Variants in FRMPD4 observed in about 807,000 individuals in gnomAD.
FRMPD4 encodes the protein FERM and PDZ domain containing 4.
FRMPD4 carries 22 observed loss-of-function variants against 94.1 expected under a neutral mutation model. The observed-to-expected ratio is 0.23, with a 90% CI of 0.17 to 0.33. The LOEUF (loss-of-function observed/expected upper bound fraction) is 0.33, where lower values mean the gene tolerates loss of function less well. Among genes scored for constraint, FRMPD4 ranks in the 10% least tolerant of loss-of-function variants. FRMPD4 has a pLI of 1.00. For synonymous variants in FRMPD4, 631 were observed against 548.6 expected (o/e 1.15, Z -2.10); for missense variants, 1,111 against 1,339.9 (o/e 0.83, Z 2.67).
At chrX:12,691,723 G>T (rs1185106052) in intron 8 of FRMPD4, among the ~76,000 whole-genome samples, 1 of 110,247 alleles carries the variant, frequency 9.1e-6, no homozygotes, top group Non-Finnish European at 1.9e-5. Flanking sequence ...GAGAAAAATT[G>T]AGAGGCCAAT....
At chrX:12,171,922 T>G (rs889602551) in intron 1 of FRMPD4, among the ~76,000 whole-genome samples, 1 of 110,935 alleles carries the variant, frequency 9.0e-6, no homozygotes, top group Non-Finnish European at 1.9e-5. Context: ...TCTGCTTGGC[T>G]CCTGGTCATA....
At chrX:12,195,934 A>G (rs1328653712) in intron 1 of FRMPD4, among the ~76,000 whole-genome samples, 1 of 112,021 alleles carries the variant, frequency 8.9e-6, no homozygotes, top group Non-Finnish European at 1.9e-5. Context: ...AGGTGGACCT[A>G]AAGGGAAACC....
intron 8 of FRMPD4, among the ~76,000 whole-genome samples, chrX:12,693,702 A>G (rs1171379830): frequency 8.9e-6 from 1 of 112,248 alleles, no homozygotes; most frequent in Non-Finnish European, 1.9e-5. Flanking sequence ...AAAACAAAAC[A>G]AAACACAGCA....
At chrX:11,824,561 T>C (rs990183057) in intron 1 of FRMPD4, among the ~76,000 whole-genome samples, 7 of 111,634 alleles carry the variant, frequency 6.3e-5, no homozygotes, top group East Asian at 2.8e-4. Context: ...CTCCAGACAT[T>C]GCCAGACATC....
chrX:12,265,851 G>A (rs933886240), intron 1 of FRMPD4, among the ~76,000 whole-genome samples: 19 of 109,979 alleles, frequency 1.7e-4, no homozygotes, highest in Non-Finnish European at 3.2e-4. Context: ...AACAAAAGCC[G>A]GGCGCGGTGG....
intron 2 of FRMPD4, 146 bp downstream of exon 2, chrX:12,498,942 C>T: frequency 3.7e-6 from 1 of 267,146 alleles, no homozygotes; most frequent in Non-Finnish European, 6.8e-6. Context: ...AAGCCAGCTG[C>T]TTATATTTCT....
At chrX:12,695,400 T>TA (rs1248212718) in intron 9 of FRMPD4, among the ~76,000 whole-genome samples, 13 of 111,073 alleles carry the variant, frequency 1.2e-4, no homozygotes, top group Non-Finnish European at 1.7e-4. Flanking sequence ...AACTCTTTTT[T>TA]TTTTATTTAT....
chrX:12,700,367 C>T (rs778982118), intron 9 of FRMPD4, among the ~76,000 whole-genome samples: 66 of 112,154 alleles, frequency 5.9e-4, no homozygotes, highest in Non-Finnish European at 9.4e-4. Flanking sequence ...ATCCAGTTTC[C>T]CATAACAAAA....
At chrX:11,861,710 C>T (rs1569113375) in intron 1 of FRMPD4, among the ~76,000 whole-genome samples, 1 of 111,643 alleles carries the variant, frequency 9.0e-6, no homozygotes, top group Non-Finnish European at 1.9e-5. Context: ...TAGGTAAAGT[C>T]CCATAGAGGT....
chrX:12,598,434 A>ATC (rs775989267), intron 2 of FRMPD4, among the ~76,000 whole-genome samples: 20 of 110,067 alleles, frequency 1.8e-4, no homozygotes, highest in Non-Finnish European at 3.6e-4. Flanking sequence ...TAAATAACCC[A>ATC]TCTCTCTCTC....
intron 1 of FRMPD4, among the ~76,000 whole-genome samples, chrX:11,859,477 A>T (rs1026681381): frequency 8.9e-6 from 1 of 112,013 alleles, no homozygotes; most frequent in Non-Finnish European, 1.9e-5. Context: ...GATAATTTTT[A>T]AAAATGTCAG....
chrX:12,288,499 C>T (rs1380508162), intron 1 of FRMPD4, among the ~76,000 whole-genome samples: 1 of 111,108 alleles, frequency 9.0e-6, no homozygotes, highest in East Asian at 2.8e-4. Context: ...CTTATATGAC[C>T]GTGATGTTAT....
chrX:12,069,145 G>T (rs2054945489), intron 3 of FRMPD4, among the ~76,000 whole-genome samples: 1 of 111,578 alleles, frequency 9.0e-6, no homozygotes, highest in African/African-American at 3.3e-5. Flanking sequence ...CATTTTCTCA[G>T]CCAAGAGCAA....
intron 3 of FRMPD4, among the ~76,000 whole-genome samples, chrX:12,067,663 G>A (rs1187502346): frequency 9.1e-6 from 1 of 110,272 alleles, no homozygotes; most frequent in Non-Finnish European, 1.9e-5. Context: ...TGATCTGCCT[G>A]CCTCAGCCTC....
At chrX:12,646,205 A>G (rs1265444275) in intron 4 of FRMPD4, among the ~76,000 whole-genome samples, 1 of 112,108 alleles carries the variant, frequency 8.9e-6, no homozygotes, top group Non-Finnish European at 1.9e-5. Flanking sequence ...GTAGTAATTG[A>G]ATAGCTTGTA....
At chrX:12,408,986 T>TAACA (rs971715927) in intron 1 of FRMPD4, among the ~76,000 whole-genome samples, 2 of 111,256 alleles carry the variant, frequency 1.8e-5, no homozygotes, top group African/African-American at 6.5e-5. Context: ...TTCACATGAC[T>TAACA]AACAGGGAAG....
chrX:11,886,003 C>T (rs1348817779), intron 3 of FRMPD4, among the ~76,000 whole-genome samples: 2 of 111,615 alleles, frequency 1.8e-5, no homozygotes, highest in Non-Finnish European at 3.8e-5. Context: ...TATTGATTAT[C>T]CATCTATACT....
intron 1 of FRMPD4, among the ~76,000 whole-genome samples, chrX:12,377,888 C>T (rs973702283): frequency 1.8e-5 from 2 of 112,359 alleles, no homozygotes; most frequent in African/African-American, 6.5e-5. Context: ...TCTCAGGAGC[C>T]GACGAGCAGT....
chrX:12,138,633 T>C lies in FRMPD4; in HGVS notation c.-339T>C, dbSNP rs2055635664. 3.5e-6 allele frequency: 1 copy of C among 288,167 alleles called. No homozygotes were observed. The highest frequency in any genetic ancestry group is 2.8e-5 in the African/African-American group (1 of 36,226). The allele number at this position is 288,167 out of a possible 1,213,427, so 23.7% of individuals were successfully genotyped here. On this transcript the variant is annotated 5_prime_UTR_variant, in exon 1 of 17. Coordinates refer to ENST00000675598, the MANE Select transcript of FRMPD4 (RefSeq NM_001368397.1). ...CTCGCTTTCTCTGGACGCCCGGCAGTCCCCGGGGCTAGAGCGCACGGGGCG... is the reference window on the plus strand; with the variant it reads ...CTCGCTTTCTCTGGACGCCCGGCAGCCCCCGGGGCTAGAGCGCACGGGGCG...
Sources: gnomAD v4.1 joint callset for allele counts (sites outside exome capture counted in the v4.1 genomes callset) on GRCh38, gnomAD v4.1.1 for gene constraint, MANE v1.5 for transcripts, NCBI Gene and HGNC (gene_info 2026-07-23, HGNC 2026-07-21) for gene names.